The following STS variants were observed in gnomAD, a reference collection of about 807,000 sequenced individuals.
STS encodes steryl-sulfatase.
STS carries 7 observed loss-of-function variants against 26.8 expected under a neutral mutation model. That is an observed-to-expected ratio of 0.26 (90% confidence interval 0.15 to 0.49). The LOEUF is 0.49. Among genes scored for constraint, STS ranks in the 20% least tolerant of loss-of-function variants. The pLI is 0.98. For synonymous variants in STS, 199 were observed against 189.4 expected, an observed-to-expected ratio of 1.05 and a Z score of -0.42; for missense variants, 434 against 465.6, an observed-to-expected ratio of 0.93 and a Z score of 0.63.
chrX:7,318,755 G>T (rs1294903525), intron 8 of STS, among the ~76,000 whole-genome samples: 2 of 111,146 alleles, frequency 1.8e-5, no homozygotes, highest in African/African-American at 3.3e-5. Context: ...CAGGTGGTCA[G>T]TAGGTGGCTA....
chrX:7,223,494 T>C (rs1172027829), intron 2 of STS, among the ~76,000 whole-genome samples: 2 of 112,326 alleles, frequency 1.8e-5, no homozygotes, highest in African/African-American at 6.5e-5. Context: ...CTCCGATGAT[T>C]AGTGGTCTTG....
intron 1 of STS, among the ~76,000 whole-genome samples, chrX:7,186,168 G>T (rs1276796340): frequency 4.4e-5 from 5 of 112,697 alleles, no homozygotes; most frequent in Non-Finnish European, 9.4e-5. Flanking sequence ...GCTCAAGCCA[G>T]TTTACAACAG....
intron 2 of STS, among the ~76,000 whole-genome samples, chrX:7,199,709 T>TTAAGTACA (rs1186271501): frequency 1.8e-5 from 2 of 111,336 alleles, no homozygotes; most frequent in African/African-American, 6.5e-5. Context: ...TGGGGGTTGA[T>TTAAGTACA]TAAGTACATA....
intron 2 of STS, among the ~76,000 whole-genome samples, chrX:7,214,527 G>A (rs930218604): frequency 4.5e-5 from 5 of 111,917 alleles, no homozygotes; most frequent in Non-Finnish European, 9.4e-5. Context: ...TACACATAAT[G>A]AGAACAAGGT....
At chrX:7,298,955 A>G (rs1878676998) in intron 7 of STS, among the ~76,000 whole-genome samples, 1 of 100,933 alleles carries the variant, frequency 9.9e-6, no homozygotes, top group African/African-American at 3.6e-5. Flanking sequence ...ATATAAAAAT[A>G]AAACACCTAT....
intron 2 of STS, among the ~76,000 whole-genome samples, chrX:7,204,736 T>C (rs1369606245): frequency 1.9e-5 from 2 of 102,900 alleles, no homozygotes; most frequent in African/African-American, 7.1e-5. Context: ...CTTCCTTCCC[T>C]TCTTTCTTCC....
Position 7,211,972 on chromosome X carries a change from T to G in STS, c.-5+20964T>G, listed in dbSNP as rs1415284659. 7.1e-5 allele frequency among the ~76,000 whole-genome samples: 8 copies of G among 112,273 alleles called. No homozygotes were observed. The Admixed American group carries it at 7.6e-4, about 11-fold the overall frequency. ...TTCCTCCTCCCCTTCCTTTCGGGAC[T>G]TCCTGCTGCAGATCGCGGGAGCAGA... is the stretch of plus-strand genomic sequence containing the variant. On this transcript the variant is annotated intron_variant, in intron 2 of 10. Coordinates refer to ENST00000674429, the MANE Select transcript of STS (RefSeq NM_001320752.2).
chrX:7,243,940 G>A (rs1352613694), intron 2 of STS, among the ~76,000 whole-genome samples: 2 of 111,568 alleles, frequency 1.8e-5, no homozygotes, highest in African/African-American at 6.5e-5. Context: ...GAGGTGGCAG[G>A]CACCTGTAAT....
chrX:7,258,267 G>GGATAGATA (rs55667371), intron 5 of STS, among the ~76,000 whole-genome samples: 1,817 of 102,142 alleles, frequency 0.018, 18 homozygotes, highest in East Asian at 0.047. Context: ...ATAGATGGTT[G>GGATAGATA]GATAGATAGA....
rs766501530 is a variant in STS at position 7,157,577 on chromosome X, G to A, written c.-134+9494G>A. 1.2e-4 allele frequency among the ~76,000 whole-genome samples: 13 copies of A among 111,934 alleles called. No individual in the cohort carries two copies. In the East Asian group the frequency reaches 2.0e-3, roughly 17 times the overall value. On this transcript the variant is annotated intron_variant, in intron 1 of 10. Coordinates refer to ENST00000674429, the MANE Select transcript of STS (RefSeq NM_001320752.2). ...TAAAGCACAGTAATTTTCATAGCTC[G>A]TAAAGTAAAATCTTTTCACTTCTGT...
rs1290967890 is a variant in STS, at chrX:7,158,539, A to G, written c.-134+10456A>G. 3.6e-5 allele frequency among the ~76,000 whole-genome samples: 4 copies of G among 111,728 alleles called. No homozygotes were observed. The East Asian group carries it at 1.1e-3, about 31-fold the overall frequency. On this transcript the variant is annotated intron_variant, in intron 1 of 10. Coordinates refer to ENST00000674429, the MANE Select transcript of STS (RefSeq NM_001320752.2). ...TTCACATGACAGGACCAGTGAGAGA[A>G]GAACAAACCTTCTGCTCCTTTTCGC...
At chrX:7,304,188 G>A (rs1926106815) in intron 7 of STS, among the ~76,000 whole-genome samples, 1 of 111,727 alleles carries the variant, frequency 9.0e-6, no homozygotes, top group Non-Finnish European at 1.9e-5. Context: ...TTAAGTATCT[G>A]AACTTGAACA....
intron 1 of STS, among the ~76,000 whole-genome samples, chrX:7,155,489 A>T (rs764188504): frequency 8.9e-6 from 1 of 112,264 alleles, no homozygotes; most frequent in East Asian, 2.8e-4. Flanking sequence ...AAGGGAACAG[A>T]TTATGTTTAT....
At chrX:7,329,492 T>A (rs1927646659) in intron 9 of STS, among the ~76,000 whole-genome samples, 1 of 112,627 alleles carries the variant, frequency 8.9e-6, no homozygotes, top group Admixed American at 9.4e-5. Context: ...CCCTCACATC[T>A]ATATCCATCT....
intron 2 of STS, among the ~76,000 whole-genome samples, chrX:7,251,044 G>A (rs1480609276): frequency 8.9e-6 from 1 of 112,317 alleles, no homozygotes; most frequent in Admixed American, 9.4e-5. Context: ...TCATACAACT[G>A]CACATGCAAA....
At chrX:7,156,499 G>T (rs1243855859) in intron 1 of STS, among the ~76,000 whole-genome samples, 2 of 111,372 alleles carry the variant, frequency 1.8e-5, no homozygotes, top group Non-Finnish European at 3.8e-5. Flanking sequence ...GGCTGCTGTT[G>T]TATTAGTGCG....
chrX:7,172,594 G>A (rs1016286879), intron 1 of STS, among the ~76,000 whole-genome samples: 9 of 111,622 alleles, frequency 8.1e-5, no homozygotes, highest in African/African-American at 2.9e-4. Context: ...AAAAGAGTAA[G>A]GGAAACATAC....
intron 3 of STS, among the ~76,000 whole-genome samples, chrX:7,254,632 A>G (rs1459240901): frequency 2.5e-5 from 2 of 79,970 alleles, no homozygotes; most frequent in Admixed American, 3.8e-4. Flanking sequence ...CCCAGCCTGG[A>G]GTGTGGTGGC....
chrX:7,186,995 T>A (rs1304733348), intron 1 of STS, among the ~76,000 whole-genome samples: 1 of 111,561 alleles, frequency 9.0e-6, no homozygotes, highest in Non-Finnish European at 1.9e-5. Context: ...GGAAGGTCCC[T>A]CAGAGGTTTC....
Sources: allele counts gnomAD v4.1 joint callset (sites outside exome capture counted in the v4.1 genomes callset), GRCh38; gene constraint gnomAD v4.1.1; transcripts MANE v1.5; gene names NCBI Gene and HGNC (gene_info 2026-07-23, HGNC 2026-07-21).